Variants in BLM observed in about 807,000 individuals in gnomAD.
The protein encoded by BLM is BLM RecQ like helicase.
In BLM, 95 loss-of-function variants were observed where a neutral mutation model predicts 135.3. The ratio of observed to expected loss-of-function variants is 0.70; its 90% CI spans 0.59 to 0.83. The LOEUF is 0.83. BLM is among the 40% of genes least tolerant of loss of function. The pLI is 0.00. For synonymous variants in BLM, 520 were observed against 589.2 expected (o/e 0.88, Z 1.70); for missense variants, 1,518 against 1,663.9 (o/e 0.91, Z 1.53).
rs1211843453 is a variant in BLM at position 90,815,011 on chromosome 15, A to G, written c.4077-91A>G. 2 of 1,295,716 alleles carry G rather than the reference A, an allele frequency of 1.5e-6. No homozygotes were observed. The highest frequency in any genetic ancestry group is 2.2e-6 in the Non-Finnish European group (2 of 909,340). 80.3% of individuals were successfully genotyped at this position (1,295,716 alleles called of 1,614,324 possible). On this transcript the variant is annotated intron_variant, in intron 21 of 21. Transcript: ENST00000355112. The surrounding 1 kb of genome is among the most constrained non-coding windows in gnomAD (Gnocchi z 4.6). ...CACAAGGACACATTAGGCCCAGGGAAGTGGTATTGTAGCTCTGTGCAGGTT... is the reference window on the plus strand; with the variant it reads ...CACAAGGACACATTAGGCCCAGGGAGGTGGTATTGTAGCTCTGTGCAGGTT...
At chr15:90,793,463 T>C (rs1009970711) in intron 15 of BLM, among the ~76,000 whole-genome samples, 1 of 152,192 alleles carries the variant, frequency 6.6e-6, no homozygotes, top group Non-Finnish European at 1.5e-5. Context: ...AACAGTTGCT[T>C]ACTGATGGAA....
intron 1 of BLM, among the ~76,000 whole-genome samples, chr15:90,734,913 T>C (rs149205979): frequency 5.9e-5 from 9 of 152,170 alleles, no homozygotes; most frequent in African/African-American, 2.2e-4. Flanking sequence ...TAAAAAGTAA[T>C]ATTGTCCCTA....
rs116871918 is a variant in BLM at position 90,759,499 on chromosome 15, C to T, written c.1088-648C>T. ...TCTCACCTACTTGGGGAGGCTGAGG[C>T]AGGAGGATCTCTTGAGCCCAAGAGT... On this transcript the variant is annotated intron_variant, in intron 5 of 21. Transcript: ENST00000355112. Among the ~76,000 whole-genome samples the T allele has an allele frequency of 4.6e-3, 701 of 152,068 alleles. 11 individuals are homozygous for T. The highest frequency in any genetic ancestry group is 0.026 in the East Asian group (132 of 5,172).
chr15:90,790,953 A>G (rs973442840), intron 15 of BLM, 109 bp downstream of exon 15: 1 of 1,103,516 alleles, frequency 9.1e-7, no homozygotes, highest in Non-Finnish European at 1.3e-6. Context: ...ATAATCGTAG[A>G]AAAATAGAGG....
At chr15:90,750,163 C>A in intron 3 of BLM, 96 bp downstream of exon 3, 1 of 1,362,554 alleles carries the variant, frequency 7.3e-7, no homozygotes, top group Non-Finnish European at 1.0e-6. Context: ...GAGCTTTTGT[C>A]CTTAAGGTTG....
chr15:90,723,355 T>G (rs1274852027), intron 1 of BLM, among the ~76,000 whole-genome samples: 2 of 151,632 alleles, frequency 1.3e-5, no homozygotes, highest in East Asian at 3.9e-4. Flanking sequence ...TTTTTTTTTT[T>G]TTTTAATAGT....
At chr15:90,771,205 G>A (rs1426764455) in intron 12 of BLM, among the ~76,000 whole-genome samples, 1 of 152,186 alleles carries the variant, frequency 6.6e-6, no homozygotes, top group Non-Finnish European at 1.5e-5. Flanking sequence ...TGTCGTATTA[G>A]GCTGGGTGCA....
At chr15:90,790,341 G>A (rs1341330549) in intron 14 of BLM, 2 of 393,088 alleles carry the variant, frequency 5.1e-6, no homozygotes, top group African/African-American at 2.1e-5. Flanking sequence ...AGAGAACAGT[G>A]GCAGCACATC....
chr15:90,801,165 T>TAA (rs151335121), intron 17 of BLM, among the ~76,000 whole-genome samples: 3 of 75,022 alleles, frequency 4.0e-5, no homozygotes, highest in African/African-American at 3.7e-5. Flanking sequence ...AAAAAAGTTG[T>TAA]AAAAAAAAAA....
At chr15:90,801,768 CT>C (rs1431941878) in intron 17 of BLM, among the ~76,000 whole-genome samples, 1 of 152,076 alleles carries the variant, frequency 6.6e-6, no homozygotes, top group East Asian at 1.9e-4. Flanking sequence ...AATTATAAAC[CT>C]TTCTGTCTGG....
chr15:90,778,682 G>C (rs1360098902), intron 12 of BLM, among the ~76,000 whole-genome samples: 33 of 152,100 alleles, frequency 2.2e-4, no homozygotes, highest in Admixed American at 2.2e-3. Context: ...GTTTATTGGT[G>C]AATAATATTC....
chr15:90,782,896 A>T lies in BLM; in HGVS notation c.2630A>T (p.Asp877Val). ...AAAAAGCCTAAAAAGGTGGCATTTG[A>T]TTGCCTAGAATGGATCAGAAAGCAC... ...LPKKPKKVAF[D>V]CLEWIRKHHP... The change falls in exon 13 of 22, where the codon GAT (aspartate) becomes GTT (valine). Residue 877 changes from aspartate (D) to valine (V), a missense_variant. Physicochemically the swap from Asp to Val is radical, Grantham distance 152. This residue lies in a region of BLM where 626 missense variants were observed against 681.1 expected (regional missense o/e 0.92). Coordinates refer to ENST00000355112, the MANE Select transcript of BLM (RefSeq NM_000057.4). 1 of 1,613,574 alleles carries T rather than the reference A, an allele frequency of 6.2e-7. No homozygotes were observed. Among genetic ancestry groups the T allele is most frequent in the Non-Finnish European group, 8.5e-7 (1 of 1,179,478 alleles).
At chr15:90,810,528 T>C (rs1035034911) in intron 20 of BLM, among the ~76,000 whole-genome samples, 13 of 152,126 alleles carry the variant, frequency 8.5e-5, no homozygotes, top group Non-Finnish European at 1.6e-4. Flanking sequence ...GGAGACTGGG[T>C]CCCCGTGTGA....
At chr15:90,786,358 A>T (rs1896749992) in intron 14 of BLM, among the ~76,000 whole-genome samples, 3 of 152,038 alleles carry the variant, frequency 2.0e-5, no homozygotes, top group Non-Finnish European at 4.4e-5. Flanking sequence ...CCACGGACAT[A>T]TGTTTTCAGT....
At chr15:90,776,661 A>G (rs1158084898) in intron 12 of BLM, among the ~76,000 whole-genome samples, 2 of 152,120 alleles carry the variant, frequency 1.3e-5, no homozygotes, top group Non-Finnish European at 2.9e-5. Flanking sequence ...AGCCAGGACT[A>G]CAGGCGTGCA....
chr15:90,799,626 T>TAAAAAAAAAAAAAAAAAAAAAAAAAA, intron 17 of BLM, among the ~76,000 whole-genome samples: 1 of 108,746 alleles, frequency 9.2e-6, no homozygotes, highest in Non-Finnish European at 1.8e-5. Context: ...AAGATGCCTG[T>TAAAAAAAAAAAAAAAAAAAAAAAAAA]AAAAAAAAAA....
chr15:90,770,642 T>C (rs1358309216), intron 12 of BLM, among the ~76,000 whole-genome samples: 2 of 152,260 alleles, frequency 1.3e-5, no homozygotes, highest in Admixed American at 6.5e-5. Flanking sequence ...TAGTGTGCAC[T>C]TTAGTTTCAG....
Position 90,745,874 on chromosome 15 carries a change from G to A in BLM, c.-4-1515G>A, listed in dbSNP as rs532759986. ...GAGAATGACTTGAGCTCAGGAGTTC[G>A]AGACCAGCCTAGTCAACATGGTGAG... On this transcript the variant is annotated intron_variant, in intron 1 of 21. Coordinates refer to ENST00000355112, the MANE Select transcript of BLM (RefSeq NM_000057.4). 6.6e-5 allele frequency among the ~76,000 whole-genome samples: 10 copies of A among 152,198 alleles called. No homozygotes were observed. In the East Asian group the frequency reaches 1.2e-3, roughly 18 times the overall value.
chr15:90,719,826 C>G (rs1484518566), intron 1 of BLM, among the ~76,000 whole-genome samples: 1 of 151,880 alleles, frequency 6.6e-6, no homozygotes, highest in Non-Finnish European at 1.5e-5. Flanking sequence ...TAGAATAATC[C>G]TAGGACTTCA....
Sources: allele counts gnomAD v4.1 joint callset (sites outside exome capture counted in the v4.1 genomes callset), GRCh38; gene constraint gnomAD v4.1.1; regional missense constraint gnomAD v4.1.1; non-coding constraint Gnocchi (gnomAD v3.1); transcripts MANE v1.5; gene names NCBI Gene and HGNC (gene_info 2026-07-23, HGNC 2026-07-21).